The following TGFBR3 variants were observed in gnomAD, a reference collection of about 807,000 sequenced individuals.
TGFBR3 encodes the protein transforming growth factor beta receptor 3, also known as transforming growth factor beta receptor type 3.
TGFBR3 carries 46 observed loss-of-function variants against 87.9 expected under a neutral mutation model. That is an observed-to-expected ratio of 0.52 (90% confidence interval 0.41 to 0.67). The LOEUF is 0.67. TGFBR3 is among the 30% of genes least tolerant of loss of function. TGFBR3 has a pLI of 0.00. For missense variants in TGFBR3, 866 were observed against 1,041.9 expected, an observed-to-expected ratio of 0.83 and a Z score of 2.32; for synonymous variants, 381 against 391.6, an observed-to-expected ratio of 0.97 and a Z score of 0.32.
intron 4 of TGFBR3, among the ~76,000 whole-genome samples, chr1:91,741,269 A>G (rs1411080662): frequency 6.6e-6 from 1 of 152,154 alleles, no homozygotes; most frequent in Non-Finnish European, 1.5e-5. Flanking sequence ...AATACTTTTA[A>G]GTTTATTCAT....
rs950342890 is a variant in TGFBR3, at chr1:91,716,339, T to C, written c.1763A>G (p.His588Arg). 2.5e-6 allele frequency: 4 copies of C among 1,614,064 alleles called. No individual in the cohort carries two copies. Among genetic ancestry groups the C allele is most frequent in the Non-Finnish European group, 3.4e-6 (4 of 1,180,018 alleles). Residue 588 changes from histidine to arginine, a missense_variant, in exon 12 of 17, where the codon CAC becomes CGC. By Grantham distance (29) the His-to-Arg change is conservative. Coordinates refer to ENST00000212355, the MANE Select transcript of TGFBR3 (RefSeq NM_003243.5). ...RNPSSFQEQP[H>R]GNITFNMELY... Reference sequence around the variant, plus strand: ...CTCCATGTTGAAGGTGATGTTTCCGTGGGGCTGTTCCTGGAAGCTGCTGGG... The same window carrying C: ...CTCCATGTTGAAGGTGATGTTTCCGCGGGGCTGTTCCTGGAAGCTGCTGGG...
intron 2 of TGFBR3, among the ~76,000 whole-genome samples, chr1:91,845,451 T>G (rs1386257103): frequency 6.6e-6 from 1 of 152,218 alleles, no homozygotes; most frequent in Non-Finnish European, 1.5e-5. Context: ...GAAATATCCT[T>G]CTATACTTTG....
chr1:91,845,895 T>C (rs976252660), intron 2 of TGFBR3, among the ~76,000 whole-genome samples: 6 of 152,184 alleles, frequency 3.9e-5, no homozygotes. Context: ...ACCTGAATTG[T>C]TACACTACAA....
At position 91,859,683 on chromosome 1, in the gene TGFBR3, T is replaced by C. The variant is rs1678098818; in HGVS notation, c.61+1788A>G. 3.3e-5 allele frequency among the ~76,000 whole-genome samples: 5 copies of C among 152,078 alleles called. No homozygotes were observed. In the East Asian group the frequency reaches 5.8e-4, roughly 18 times the overall value. Reference sequence around the variant, plus strand: ...GCTCACGCCTGTAATCCCAGCACTTTGGGAGGCTGAGGCCAGGAGATCGAG... The same window carrying C: ...GCTCACGCCTGTAATCCCAGCACTTCGGGAGGCTGAGGCCAGGAGATCGAG... On this transcript the variant is annotated intron_variant, in intron 2 of 16. Transcript: ENST00000212355.
intron 2 of TGFBR3, among the ~76,000 whole-genome samples, chr1:91,827,801 T>C (rs1419845866): frequency 6.6e-6 from 1 of 152,188 alleles, no homozygotes; most frequent in Non-Finnish European, 1.5e-5. Context: ...TAATAGTGCA[T>C]GTCATCAAAG....
intron 1 of TGFBR3, among the ~76,000 whole-genome samples, chr1:91,869,061 G>A (rs1367048776): frequency 1.3e-5 from 2 of 152,064 alleles, no homozygotes; most frequent in Non-Finnish European, 2.9e-5. Flanking sequence ...TCACTATATC[G>A]GAACTCAACA....
At chr1:91,828,468 T>C (rs768839448) in intron 2 of TGFBR3, among the ~76,000 whole-genome samples, 57 of 152,252 alleles carry the variant, frequency 3.7e-4, no homozygotes, top group Non-Finnish European at 7.6e-4. Context: ...AGGACACTTG[T>C]GGTTACGCTT....
Position 91,680,926 on chromosome 1 carries a change from AAAAT to A in TGFBR3, c.*2809_*2812del. The A allele has an allele frequency of 2.2e-6, 1 of 454,128 alleles. No individual in the cohort carries two copies. The highest frequency in any genetic ancestry group is 4.4e-6 in the Non-Finnish European group (1 of 226,774). 28.1% of individuals were successfully genotyped at this position (454,128 alleles called of 1,614,324 possible). A position where few individuals can be genotyped will look rare whatever the true frequency, so the allele number is the denominator to read the frequency against. ...AGACAGAAGAAATCTCTGGCTTTTT[AAAAT>A]ACAGAGTAACAGCTGGTAAACACCA... On this transcript the variant is annotated 3_prime_UTR_variant, in exon 17 of 17. Transcript: ENST00000212355.
chr1:91,738,254 C>T (rs190138997), intron 4 of TGFBR3, among the ~76,000 whole-genome samples: 5 of 152,292 alleles, frequency 3.3e-5, no homozygotes, highest in African/African-American at 1.2e-4. Context: ...CATGAAGCAT[C>T]CACATTAGCT....
intron 2 of TGFBR3, among the ~76,000 whole-genome samples, chr1:91,813,969 G>C (rs1168339861): frequency 1.3e-5 from 2 of 152,206 alleles, no homozygotes; most frequent in African/African-American, 4.8e-5. Context: ...TGCCACTGCT[G>C]ATCTCACACG....
At chr1:91,742,985 C>T (rs1673207463) in intron 4 of TGFBR3, among the ~76,000 whole-genome samples, 1 of 152,132 alleles carries the variant, frequency 6.6e-6, no homozygotes, top group Non-Finnish European at 1.5e-5. Context: ...TCCAAAACTA[C>T]ATGAAAAAAG....
At chr1:91,771,705 CAAAAAAAAA>C (rs758894556) in intron 3 of TGFBR3, among the ~76,000 whole-genome samples, 1 of 83,130 alleles carries the variant, frequency 1.2e-5, no homozygotes, top group Non-Finnish European at 2.4e-5. Flanking sequence ...GACTCTGTCT[CAAAAAAAAA>C]AAAAAAAAAG....
chr1:91,757,987 A>G (rs1178038834), intron 4 of TGFBR3, among the ~76,000 whole-genome samples: 1 of 152,192 alleles, frequency 6.6e-6, no homozygotes. Context: ...TATCACACCA[A>G]AAAAATTCCA....
At chr1:91,857,535 C>T (rs1029415906) in intron 2 of TGFBR3, among the ~76,000 whole-genome samples, 2 of 152,196 alleles carry the variant, frequency 1.3e-5, no homozygotes, top group Admixed American at 6.5e-5. Flanking sequence ...GGCTTCCCCT[C>T]GTGACCCCTC....
Position 91,794,205 on chromosome 1 carries a change from C to CTT in TGFBR3, c.246+3080_246+3081dup, listed in dbSNP as rs35802375. Among the ~76,000 whole-genome samples, 13 of 148,162 alleles carry CTT rather than the reference C, an allele frequency of 8.8e-5. No homozygotes were observed. In the South Asian group the frequency reaches 1.1e-3, roughly 12 times the overall value. ...AGAACATTTTTGTCATCTCCTCCAC[C>CTT]TTTTTTTTTTGTTGTTGAGATGGAG... On this transcript the variant is annotated intron_variant, in intron 3 of 16. Transcript: ENST00000212355.
chr1:91,757,293 C>T (rs12129174), intron 4 of TGFBR3, among the ~76,000 whole-genome samples: 24,720 of 152,144 alleles, frequency 0.16, 2,132 homozygotes, highest in East Asian at 0.25. Context: ...GCAAAAATAC[C>T]ACAAAAGTGA....
In TGFBR3 at chr1:91,722,013, T is replaced by C; in HGVS notation, c.1017A>G (p.Ile339Met). 1 of 1,613,700 alleles carries C rather than the reference T, an allele frequency of 6.2e-7. No homozygotes were observed. Among genetic ancestry groups the C allele is most frequent in the Non-Finnish European group, 8.5e-7 (1 of 1,179,822 alleles). ...CCACAGGAGCCATTGTGTATGAAGTTATTGGACTATAGCCATTGTCCAAAG... is the reference window on the plus strand; with the variant it reads ...CCACAGGAGCCATTGTGTATGAAGTCATTGGACTATAGCCATTGTCCAAAG... The part of the protein sequence containing the change: ...KWALDNGYSP[I>M]TSYTMAPVAN... Residue 339 changes from isoleucine to methionine, a missense_variant, in exon 8 of 17, where the codon ATA becomes ATG. Physicochemically the swap from Ile to Met is conservative, Grantham distance 10. Coordinates refer to ENST00000212355, the MANE Select transcript of TGFBR3 (RefSeq NM_003243.5).
At chr1:91,709,664 C>G (rs1206313212) in intron 13 of TGFBR3, among the ~76,000 whole-genome samples, 1 of 152,230 alleles carries the variant, frequency 6.6e-6, no homozygotes, top group African/African-American at 2.4e-5. Context: ...TGAGCATGCT[C>G]AGGCCCACTA....
rs891219425 is a variant in TGFBR3, at chr1:91,799,327, C to G, written c.62-1856G>C. 1.1e-4 allele frequency among the ~76,000 whole-genome samples: 16 copies of G among 152,326 alleles called. 1 individual carries two copies. Among genetic ancestry groups the G allele is most frequent in the Middle Eastern group, 3.4e-3 (1 of 294 alleles). On this transcript the variant is annotated intron_variant, in intron 2 of 16. Coordinates refer to ENST00000212355, the MANE Select transcript of TGFBR3 (RefSeq NM_003243.5). ...TGTGGCCAGCTGCTTTCTGAGAAAG[C>G]ATAAGGTGGTGAAGGAAGATGTCCC...
Sources: gnomAD v4.1 joint callset for allele counts (sites outside exome capture counted in the v4.1 genomes callset) on GRCh38, gnomAD v4.1.1 for gene constraint, MANE v1.5 for transcripts, NCBI Gene and HGNC (gene_info 2026-07-23, HGNC 2026-07-21) for gene names.